The following THSD7A variants were observed in gnomAD, a reference collection of about 807,000 sequenced individuals.
The protein encoded by THSD7A is thrombospondin type 1 domain containing 7A.
THSD7A carries 96 observed loss-of-function variants against 231.3 expected under a neutral mutation model. That is an observed-to-expected ratio of 0.41 (90% confidence interval 0.35 to 0.49). The LOEUF is 0.49. Among genes scored for constraint, THSD7A ranks in the 20% least tolerant of loss-of-function variants. THSD7A has a pLI of 0.05. For missense variants in THSD7A, 2,290 were observed against 2,070.2 expected (o/e 1.11, Z -2.06); for synonymous variants, 940 against 743.3 (o/e 1.26, Z -4.30).
intron 1 of THSD7A, among the ~76,000 whole-genome samples, chr7:11,691,132 C>CA (rs1780217376): frequency 6.6e-6 from 1 of 151,530 alleles, no homozygotes; most frequent in African/African-American, 2.4e-5. Context: ...GGAAATAACT[C>CA]ACATTCATGC....
At chr7:11,579,057 CTT>C (rs1791044608) in intron 4 of THSD7A, among the ~76,000 whole-genome samples, 1 of 152,110 alleles carries the variant, frequency 6.6e-6, no homozygotes, top group African/African-American at 2.4e-5. Flanking sequence ...GGATTTCAAA[CTT>C]AGAATATGAG....
chr7:11,664,004 G>C (rs564625174), intron 1 of THSD7A, among the ~76,000 whole-genome samples: 6 of 150,562 alleles, frequency 4.0e-5, no homozygotes, highest in African/African-American at 1.5e-4. Context: ...GCATGTTAGA[G>C]TGAAAATAGA....
rs114208948 is a variant in THSD7A at position 11,504,926 on chromosome 7, C to G, written c.1823-22944G>C. On this transcript the variant is annotated intron_variant, in intron 6 of 27. Transcript: ENST00000423059. ...GATTTGGAAATATATTTAAGGTAAACAATCCAAAACACTTTAATAAAAATA... is the reference window on the plus strand; with the variant it reads ...GATTTGGAAATATATTTAAGGTAAAGAATCCAAAACACTTTAATAAAAATA... Among the ~76,000 whole-genome samples the G allele has an allele frequency of 6.2e-3, 940 of 151,622 alleles. 9 individuals carry two copies. Among genetic ancestry groups the G allele is most frequent in the African/African-American group, 0.022 (894 of 41,320 alleles).
At chr7:11,754,975 C>T (rs758202264) in intron 1 of THSD7A, among the ~76,000 whole-genome samples, 5 of 151,870 alleles carry the variant, frequency 3.3e-5, no homozygotes, top group Non-Finnish European at 5.9e-5. Context: ...ATTCCTTAGG[C>T]GTAAGAATAT....
At chr7:11,653,990 T>C (rs1475605415) in intron 1 of THSD7A, among the ~76,000 whole-genome samples, 2 of 151,958 alleles carry the variant, frequency 1.3e-5, no homozygotes, top group African/African-American at 4.8e-5. Context: ...TTGTCTTCTA[T>C]GTTCTTACTA....
At chr7:11,755,751 G>T (rs1031245348) in intron 1 of THSD7A, among the ~76,000 whole-genome samples, 5 of 152,162 alleles carry the variant, frequency 3.3e-5, no homozygotes, top group South Asian at 2.1e-4. Flanking sequence ...TGTTCATTTT[G>T]CTTGTTTTAG....
rs1283471653 is a variant in THSD7A at position 11,371,144 on chromosome 7, T to TTAAC, written c.*4646_*4649dup. 3 of 152,188 alleles carry TTAAC rather than the reference T, an allele frequency of 2.0e-5. No individual in the cohort carries two copies. The highest frequency in any genetic ancestry group is 7.2e-5 in the African/African-American group (3 of 41,450). 9.4% of individuals were successfully genotyped at this position (152,188 alleles called of 1,614,324 possible). A position where few individuals can be genotyped will look rare whatever the true frequency, so the allele number is the denominator to read the frequency against. ...AACACAGAAAAATAAAAATGCAAAA[T>TTAAC]TAACTGTTTAGCATTAGTTTCATTC... On this transcript the variant is annotated 3_prime_UTR_variant, in exon 28 of 28. Coordinates refer to ENST00000423059, the MANE Select transcript of THSD7A (RefSeq NM_015204.3).
At position 11,583,873 on chromosome 7, in the gene THSD7A, T is replaced by C. The variant is rs191202674; in HGVS notation, c.1453+6587A>G. On this transcript the variant is annotated intron_variant, in intron 4 of 27. Transcript: ENST00000423059. The stretch of plus-strand genomic sequence containing the variant: ...ATGGAAGTAAGCATAAGTTTGAAAC[T>C]AAAACCAATATGAATACAGACCCAT... Among the ~76,000 whole-genome samples the C allele has an allele frequency of 3.4e-3, 521 of 152,322 alleles. 2 individuals carry two copies. Among genetic ancestry groups the C allele is most frequent in the African/African-American group, 0.012 (502 of 41,582 alleles).
chr7:11,693,276 T>C (rs1229983049), intron 1 of THSD7A, among the ~76,000 whole-genome samples: 1 of 151,584 alleles, frequency 6.6e-6, no homozygotes, highest in East Asian at 2.0e-4. Flanking sequence ...ATCTTCAATA[T>C]ATGTGAATAT....
At chr7:11,548,875 C>CTTATT (rs1306701108) in intron 4 of THSD7A, among the ~76,000 whole-genome samples, 4 of 149,072 alleles carry the variant, frequency 2.7e-5, no homozygotes, top group Non-Finnish European at 5.9e-5. Flanking sequence ...CTATGACAAA[C>CTTATT]ACACAACCAA....
intron 7 of THSD7A, among the ~76,000 whole-genome samples, chr7:11,476,818 GAA>G (rs1332378526): frequency 1.2e-4 from 10 of 83,900 alleles, no homozygotes; most frequent in South Asian, 7.3e-4. Flanking sequence ...CCGTCTCAGA[GAA>G]AAAAAAAAAA....
At chr7:11,781,902 T>A in intron 1 of THSD7A, among the ~76,000 whole-genome samples, 1 of 152,308 alleles carries the variant, frequency 6.6e-6, no homozygotes, top group East Asian at 1.9e-4. Flanking sequence ...CCACAGTCGA[T>A]ACATTTTGAG....
At chr7:11,569,599 GGACAAC>G (rs1264497385) in intron 4 of THSD7A, among the ~76,000 whole-genome samples, 2 of 152,106 alleles carry the variant, frequency 1.3e-5, no homozygotes, top group Non-Finnish European at 2.9e-5. Context: ...TAGTGACTTT[GGACAAC>G]AGTGTTGTGG....
chr7:11,529,434 G>C (rs59609056), intron 6 of THSD7A, among the ~76,000 whole-genome samples: 43,468 of 151,856 alleles, frequency 0.29, 6,354 homozygotes, highest in Middle Eastern at 0.4. Flanking sequence ...CGTGTGTCCC[G>C]ACCCAAATCT....
At chr7:11,584,345 A>C (rs867244133) in intron 4 of THSD7A, among the ~76,000 whole-genome samples, 22 of 152,166 alleles carry the variant, frequency 1.4e-4, no homozygotes, top group Admixed American at 5.2e-4. Context: ...TAGTTATTAA[A>C]CAAAAATATG....
At chr7:11,725,461 T>C (rs949024461) in intron 1 of THSD7A, among the ~76,000 whole-genome samples, 1 of 152,006 alleles carries the variant, frequency 6.6e-6, no homozygotes, top group Admixed American at 6.6e-5. Context: ...CTTTGAATGG[T>C]AGTGAATCTG....
intron 23 of THSD7A, chr7:11,383,664 TTTAAA>T (rs1470914234): frequency 6.6e-6 from 1 of 151,534 alleles, no homozygotes; most frequent in Admixed American, 6.6e-5. Context: ...ATCTTGTCAT[TTTAAA>T]TTAAAGTTCC....
chr7:11,613,457 A>G (rs1256362569), intron 2 of THSD7A, among the ~76,000 whole-genome samples: 1 of 152,164 alleles, frequency 6.6e-6, no homozygotes, highest in Non-Finnish European at 1.5e-5. Context: ...GTCATGTGAT[A>G]ATAACATATG....
rs201430750 is a variant in THSD7A at position 11,831,709 on chromosome 7, G to T, written c.190+48C>A. The T allele has an allele frequency of 4.6e-6, 6 of 1,310,314 alleles. No individual in the cohort carries two copies. The South Asian group carries it at 1.2e-4, about 26-fold the overall frequency. The allele number at this position is 1,310,314 out of a possible 1,614,324, so 81.2% of individuals were successfully genotyped here. A position where few individuals can be genotyped will look rare whatever the true frequency, so the allele number is the denominator to read the frequency against. On this transcript the variant is annotated intron_variant, in intron 1 of 27. Coordinates refer to ENST00000423059, the MANE Select transcript of THSD7A (RefSeq NM_015204.3). This position sits in a 1 kb window ranked among gnomAD's most constrained non-coding sequence, Gnocchi z 5.0. ...TACAGAAGCCCACCAGCTCCTTAAT[G>T]TGGCCCCAGATGTGAAGATGGGGAA...
Sources: gnomAD v4.1 joint callset for allele counts (sites outside exome capture counted in the v4.1 genomes callset) on GRCh38, gnomAD v4.1.1 for gene constraint, Gnocchi (gnomAD v3.1) non-coding constraint, MANE v1.5 for transcripts, NCBI Gene and HGNC (gene_info 2026-07-23, HGNC 2026-07-21) for gene names.